The following RNF180 variants were observed in gnomAD, a reference collection of about 807,000 sequenced individuals.
The protein encoded by RNF180 is ring finger protein 180.
A neutral mutation model predicts 59.2 loss-of-function variants in RNF180; 38 were observed. That is an observed-to-expected ratio of 0.64 (90% CI 0.50 to 0.84). The LOEUF (loss-of-function observed/expected upper bound fraction) is 0.84. Ranked by LOEUF, RNF180 falls within the 40% of genes least tolerant of loss-of-function variation. RNF180 has a pLI of 0.00. For synonymous variants in RNF180, 262 were observed against 240.3 expected (o/e 1.09, Z -0.84); for missense variants, 705 against 700.9 (o/e 1.01, Z -0.07).
chr5:64,340,459 A>T (rs1280034308), intron 7 of RNF180, among the ~76,000 whole-genome samples: 1 of 152,246 alleles, frequency 6.6e-6, no homozygotes, highest in Non-Finnish European at 1.5e-5. Context: ...TGCTCAGTAT[A>T]AATCAAAGAA....
Position 64,370,524 on chromosome 5 carries a change from T to C in RNF180, c.*710T>C, listed in dbSNP as rs901490386. ...TGAAAAATTTACCGACTTTTAGTAG[T>C]CTAAAAGAGCAATGCATGGTCCAAA... On this transcript the variant is annotated 3_prime_UTR_variant, in exon 8 of 8. Transcript: ENST00000389100. 4.6e-5 allele frequency: 7 copies of C among 151,762 alleles called. No individual in the cohort carries two copies. Among genetic ancestry groups the C allele is most frequent in the African/African-American group, 1.7e-4 (7 of 41,416 alleles). 9.4% of individuals were successfully genotyped at this position (151,762 alleles called of 1,614,324 possible).
intron 5 of RNF180, among the ~76,000 whole-genome samples, chr5:64,291,403 T>C (rs1360978585): frequency 6.7e-6 from 1 of 150,188 alleles, no homozygotes; most frequent in Non-Finnish European, 1.5e-5. Context: ...GATGGCATTC[T>C]GAAGTATGTT....
chr5:64,290,293 C>T (rs944056989), intron 5 of RNF180, among the ~76,000 whole-genome samples: 1 of 152,090 alleles, frequency 6.6e-6, no homozygotes, highest in Non-Finnish European at 1.5e-5. Flanking sequence ...GTTTTACTTC[C>T]GATTATTTGA....
chr5:64,272,973 C>T (rs1034226101), intron 5 of RNF180, among the ~76,000 whole-genome samples: 5 of 151,922 alleles, frequency 3.3e-5, no homozygotes, highest in African/African-American at 9.6e-5. Flanking sequence ...AAGGTCAAGG[C>T]TGGAGTACTA....
chr5:64,257,205 C>A (rs996068483), intron 5 of RNF180, among the ~76,000 whole-genome samples: 2 of 152,054 alleles, frequency 1.3e-5, no homozygotes, highest in Non-Finnish European at 2.9e-5. Context: ...TATTTCTCCT[C>A]CCTGATTGCC....
chr5:64,298,811 G>A (rs1208467246), intron 5 of RNF180, among the ~76,000 whole-genome samples: 1 of 152,052 alleles, frequency 6.6e-6, no homozygotes, highest in Non-Finnish European at 1.5e-5. Context: ...TGGAAGTGCA[G>A]TGCAGAGACA....
chr5:64,334,245 T>C (rs2112546889), intron 7 of RNF180, among the ~76,000 whole-genome samples: 2 of 152,324 alleles, frequency 1.3e-5, no homozygotes, highest in Middle Eastern at 6.8e-3. Context: ...AAAGCCTTTG[T>C]AGAGACACAG....
intron 7 of RNF180, among the ~76,000 whole-genome samples, chr5:64,362,571 T>C (rs994179270): frequency 1.3e-5 from 2 of 151,816 alleles, no homozygotes; most frequent in African/African-American, 2.4e-5. Flanking sequence ...GTCTTTATGA[T>C]AGAATGATTT....
At chr5:64,208,207 A>G (rs1038454603) in intron 2 of RNF180, among the ~76,000 whole-genome samples, 1 of 152,068 alleles carries the variant, frequency 6.6e-6, no homozygotes, top group African/African-American at 2.4e-5. Flanking sequence ...TTTCATTTAC[A>G]AACATAATGT....
At chr5:64,317,575 T>TACATATATAC (rs1325723595) in intron 5 of RNF180, among the ~76,000 whole-genome samples, 12 of 144,592 alleles carry the variant, frequency 8.3e-5, no homozygotes, top group Admixed American at 7.7e-4. Context: ...TACATATATA[T>TACATATATAC]ACACATATAT....
At chr5:64,327,854 A>T (rs1744721042) in intron 6 of RNF180, among the ~76,000 whole-genome samples, 1 of 152,170 alleles carries the variant, frequency 6.6e-6, no homozygotes, top group African/African-American at 2.4e-5. Flanking sequence ...CAATGCTGGG[A>T]ATGAGTTATT....
intron 1 of RNF180, among the ~76,000 whole-genome samples, chr5:64,170,871 T>C (rs1749899974): frequency 6.6e-6 from 1 of 152,186 alleles, no homozygotes; most frequent in South Asian, 2.1e-4. Flanking sequence ...CAGTCTTTCT[T>C]TGAAGACATT....
intron 7 of RNF180, among the ~76,000 whole-genome samples, chr5:64,353,859 C>T (rs1043910205): frequency 4.0e-5 from 6 of 151,640 alleles, no homozygotes; most frequent in African/African-American, 1.4e-4. Context: ...AAAAAACACA[C>T]TCAAACAACC....
At chr5:64,365,000 C>CA (rs34585480) in intron 7 of RNF180, among the ~76,000 whole-genome samples, 5,806 of 139,930 alleles carry the variant, frequency 0.041, 242 homozygotes, top group African/African-American at 0.11. Flanking sequence ...TTAATTTTTT[C>CA]AAAAAAAAAA....
At chr5:64,346,484 C>T (rs914282766) in intron 7 of RNF180, among the ~76,000 whole-genome samples, 16 of 150,684 alleles carry the variant, frequency 1.1e-4, no homozygotes, top group Admixed American at 4.0e-4. Flanking sequence ...ATTCTCCTGC[C>T]TCAGGCTCCC....
At chr5:64,336,603 T>A (rs763108017) in intron 7 of RNF180, among the ~76,000 whole-genome samples, 54 of 152,156 alleles carry the variant, frequency 3.5e-4, no homozygotes, top group Non-Finnish European at 6.5e-4. Context: ...TTGGGAAAAA[T>A]TAGCACTATG....
At chr5:64,231,521 A>G (rs1742101306) in intron 5 of RNF180, among the ~76,000 whole-genome samples, 1 of 152,254 alleles carries the variant, frequency 6.6e-6, no homozygotes, top group Admixed American at 6.5e-5. Flanking sequence ...GCTGAGTTTG[A>G]TAAGGAAGAG....
rs912264050 is a variant in RNF180, at chr5:64,369,540, T to A, written c.1580-75T>A. On this transcript the variant is annotated intron_variant, in intron 7 of 7. Coordinates refer to ENST00000389100, the MANE Select transcript of RNF180 (RefSeq NM_001113561.2). Reference sequence around the variant, plus strand: ...GAAATCAGGATATGCTTTGTTTAACTGTACTTGTGTACAGCTTCTTTTCTG... The same window carrying A: ...GAAATCAGGATATGCTTTGTTTAACAGTACTTGTGTACAGCTTCTTTTCTG... 7.8e-5 allele frequency: 67 copies of A among 855,150 alleles called. 1 individual carries two copies. In the Middle Eastern group the frequency reaches 2.7e-3, roughly 34 times the overall value. 53.0% of individuals were successfully genotyped at this position (855,150 alleles called of 1,614,324 possible).
At chr5:64,239,387 G>A (rs1407692670) in intron 5 of RNF180, among the ~76,000 whole-genome samples, 1 of 152,116 alleles carries the variant, frequency 6.6e-6, no homozygotes, top group Non-Finnish European at 1.5e-5. Context: ...TTTATAGACA[G>A]CTTACTTTGC....
Sources: allele counts gnomAD v4.1 joint callset (sites outside exome capture counted in the v4.1 genomes callset), GRCh38; gene constraint gnomAD v4.1.1; transcripts MANE v1.5; gene names NCBI Gene and HGNC (gene_info 2026-07-23, HGNC 2026-07-21).